ZNF711: variants seen among roughly 807,000 people sequenced by gnomAD.
The protein encoded by ZNF711 is zinc finger protein 711.
ZNF711 carries 3 observed loss-of-function variants against 43.5 expected under a neutral mutation model. That is an observed-to-expected ratio of 0.07 (90% confidence interval 0.03 to 0.18). ZNF711 has a LOEUF of 0.18. ZNF711 is among the 10% of genes least tolerant of loss of function. ZNF711 has a pLI of 1.00. For synonymous variants in ZNF711, 209 were observed against 207.7 expected (o/e 1.01, Z -0.06); for missense variants, 412 against 604.0 (o/e 0.68, Z 3.33).
intron 4 of ZNF711, among the ~76,000 whole-genome samples, chrX:85,248,532 C>T (rs1233706173): frequency 9.4e-6 from 1 of 106,762 alleles, no homozygotes; most frequent in Non-Finnish European, 1.9e-5. Flanking sequence ...TTGTAAGTAG[C>T]CTCTTGACAG....
intron 5 of ZNF711, among the ~76,000 whole-genome samples, chrX:85,260,056 G>A (rs1279825037): frequency 9.0e-6 from 1 of 111,133 alleles, no homozygotes; most frequent in Non-Finnish European, 1.9e-5. Context: ...TTTGAGATAT[G>A]TTCCTTTGAT....
At chrX:85,269,866 T>C in intron 9 of ZNF711, 137 bp from the exon 10 acceptor site, 3 of 572,693 alleles carry the variant, frequency 5.2e-6, no homozygotes, top group Non-Finnish European at 8.8e-6. Flanking sequence ...AGAAAGAGAA[T>C]CATAAGATGG....
chrX:85,269,767 TTTAAAG>T (rs1242955667), intron 9 of ZNF711, among the ~76,000 whole-genome samples: 1 of 111,948 alleles, frequency 8.9e-6, no homozygotes, highest in Non-Finnish European at 1.9e-5. Flanking sequence ...ATTGAGATAT[TTTAAAG>T]TTAATTTCAC....
intron 4 of ZNF711, among the ~76,000 whole-genome samples, chrX:85,248,848 A>G (rs1442358558): frequency 8.9e-6 from 1 of 112,176 alleles, no homozygotes; most frequent in Non-Finnish European, 1.9e-5. Flanking sequence ...ATATGGTTGA[A>G]TGTATCATTT....
chrX:85,258,890 G>A (rs1378553864), intron 5 of ZNF711, among the ~76,000 whole-genome samples: 1 of 111,252 alleles, frequency 9.0e-6, no homozygotes, highest in East Asian at 2.8e-4. Context: ...TTCTTTTGCT[G>A]TGCAGAAGCT....
chrX:85,258,995 A>G (rs1930406769), intron 5 of ZNF711, among the ~76,000 whole-genome samples: 2 of 111,336 alleles, frequency 1.8e-5, no homozygotes, highest in Admixed American at 9.6e-5. Flanking sequence ...GCCAATGTCC[A>G]GAATAGTGTT....
intron 7 of ZNF711, among the ~76,000 whole-genome samples, chrX:85,265,572 A>T: frequency 9.0e-6 from 1 of 110,793 alleles, no homozygotes; most frequent in Non-Finnish European, 1.9e-5. Context: ...TCTGTGCGTT[A>T]CTGAATATGT....
At chrX:85,244,572 C>T (rs1429574058) in intron 1 of ZNF711, among the ~76,000 whole-genome samples, 1 of 111,149 alleles carries the variant, frequency 9.0e-6, no homozygotes, top group Non-Finnish European at 1.9e-5. Flanking sequence ...CTCCCTCCAC[C>T]CCATATTCTT....
chrX:85,267,232 A>G (rs1233511064), intron 7 of ZNF711, 46 bp from the exon 8 acceptor site: 3 of 988,430 alleles, frequency 3.0e-6, no homozygotes, highest in Middle Eastern at 2.7e-4. Context: ...TTACCCACTT[A>G]TTAAATATTT....
intron 5 of ZNF711, among the ~76,000 whole-genome samples, chrX:85,256,563 G>T (rs749142578): frequency 1.8e-5 from 2 of 110,970 alleles, no homozygotes; most frequent in Admixed American, 9.6e-5. Flanking sequence ...AATTTTTTTT[G>T]ACTTATCCAG....
chrX:85,256,289 A>G (rs1930136334), intron 5 of ZNF711, among the ~76,000 whole-genome samples: 1 of 111,918 alleles, frequency 8.9e-6, no homozygotes, highest in African/African-American at 3.2e-5. Context: ...CCCTGTGTTT[A>G]TATTGCTTAT....
intron 9 of ZNF711, 140 bp downstream of exon 9, chrX:85,268,481 G>A (rs1271592852): frequency 1.5e-6 from 1 of 669,625 alleles, no homozygotes; most frequent in African/African-American, 2.3e-5. Flanking sequence ...TAGTTAGTTA[G>A]GAGTTTCTTC....
At chrX:85,269,684 T>C (rs1274843680) in intron 9 of ZNF711, among the ~76,000 whole-genome samples, 1 of 111,994 alleles carries the variant, frequency 8.9e-6, no homozygotes, top group African/African-American at 3.2e-5. Context: ...CAAATCCACT[T>C]TCTTATATTA....
intron 5 of ZNF711, among the ~76,000 whole-genome samples, chrX:85,256,116 A>G (rs1196603965): frequency 9.0e-6 from 1 of 111,530 alleles, no homozygotes; most frequent in African/African-American, 3.3e-5. Flanking sequence ...TCAACATGGG[A>G]ACTTTCTTAT....
At chrX:85,247,784 T>C in intron 4 of ZNF711, 133 bp downstream of exon 4, 1 of 541,313 alleles carries the variant, frequency 1.8e-6, no homozygotes, top group Non-Finnish European at 3.1e-6. Context: ...TTTGTAGAGC[T>C]TATTCTCATA....
intron 4 of ZNF711, among the ~76,000 whole-genome samples, chrX:85,251,969 C>G (rs186360115): frequency 9.0e-6 from 1 of 111,430 alleles, no homozygotes; most frequent in Non-Finnish European, 1.9e-5. Flanking sequence ...TCGCACTCAC[C>G]TTATACAGTT....
In ZNF711 at chrX:85,262,927, A is replaced by C. The variant is rs1276771308; in HGVS notation, c.623-1348A>C. On this transcript the variant is annotated intron_variant, in intron 5 of 10. Transcript: ENST00000674551. The stretch of plus-strand genomic sequence containing the variant: ...ACTTTGACCCATTTAGATCTTGCTA[A>C]AATTGTTTTTAGGAGTGCTGAATTA... Among the ~76,000 whole-genome samples, 6 of 110,724 alleles carry C rather than the reference A, an allele frequency of 5.4e-5. No homozygotes were observed. The East Asian group carries it at 1.7e-3, about 31-fold the overall frequency.
chrX:85,246,733 C>G lies in ZNF711; in HGVS notation c.-285-197C>G, dbSNP rs779540458. Among the ~76,000 whole-genome samples the G allele has an allele frequency of 2.7e-5, 3 of 112,106 alleles. No individual in the cohort carries two copies. In the South Asian group the frequency reaches 1.1e-3, roughly 41 times the overall value. ...CATCTGACTTTATGTTCCATACTAT[C>G]AAATGGTCGTAAATATAGGATAAGT... On this transcript the variant is annotated intron_variant, in intron 2 of 10. Transcript: ENST00000674551.
intron 5 of ZNF711, 40 bp downstream of exon 5, chrX:85,255,841 A>G: frequency 8.5e-7 from 1 of 1,176,993 alleles, no homozygotes; most frequent in Non-Finnish European, 1.1e-6. Context: ...CAGGAGATTG[A>G]TTTATATAAT....
Sources: gnomAD v4.1 joint callset for allele counts (sites outside exome capture counted in the v4.1 genomes callset) on GRCh38, gnomAD v4.1.1 for gene constraint, MANE v1.5 for transcripts, NCBI Gene and HGNC (gene_info 2026-07-23, HGNC 2026-07-21) for gene names.